Variants in CCDC192 observed in about 807,000 individuals in gnomAD.
CCDC192 encodes the protein coiled-coil domain containing 192, also known as coiled-coil domain-containing protein 192.
intron 3 of CCDC192, among the ~76,000 whole-genome samples, chr5:127,781,929 A>G (rs979436146): frequency 6.6e-6 from 1 of 152,194 alleles, no homozygotes; most frequent in Non-Finnish European, 1.5e-5. Flanking sequence ...CTCAGAGAAT[A>G]TGCTTTCAAC....
At chr5:127,921,356 A>T (rs1753716569) in intron 6 of CCDC192, among the ~76,000 whole-genome samples, 1 of 152,114 alleles carries the variant, frequency 6.6e-6, no homozygotes, top group African/African-American at 2.4e-5. Context: ...AACCACTCCA[A>T]CCCATCCACC....
intron 2 of CCDC192, among the ~76,000 whole-genome samples, chr5:127,732,868 C>T (rs1399940280): frequency 6.6e-6 from 1 of 152,080 alleles, no homozygotes; most frequent in East Asian, 1.9e-4. Flanking sequence ...GGAAGGAGAG[C>T]ATCAGGGTAA....
chr5:127,881,794 G>A (rs543151402), intron 6 of CCDC192, among the ~76,000 whole-genome samples: 23 of 152,272 alleles, frequency 1.5e-4, no homozygotes, highest in Non-Finnish European at 2.8e-4. Flanking sequence ...AACCCAAGGC[G>A]GATTCCTTCC....
chr5:127,892,728 A>G (rs1283917614), intron 6 of CCDC192, among the ~76,000 whole-genome samples: 1 of 152,230 alleles, frequency 6.6e-6, no homozygotes, highest in Non-Finnish European at 1.5e-5. Flanking sequence ...ATTTAAATAA[A>G]GTACTCAGAA....
At chr5:127,756,388 C>T (rs1341924728) in intron 3 of CCDC192, among the ~76,000 whole-genome samples, 1 of 151,996 alleles carries the variant, frequency 6.6e-6, no homozygotes, top group Non-Finnish European at 1.5e-5. Context: ...AAAGATAATT[C>T]GACGGGGAGG....
At chr5:127,702,626 A>C (rs573671623), upstream of CCDC192, among the ~76,000 whole-genome samples, 1 of 152,312 alleles carries the variant, frequency 6.6e-6, no homozygotes, top group South Asian at 2.1e-4. Flanking sequence ...ATGCCAGTCT[A>C]ATTTATTTTA....
intron 5 of CCDC192, among the ~76,000 whole-genome samples, chr5:127,848,673 A>G (rs1299211005): frequency 6.6e-6 from 1 of 152,244 alleles, no homozygotes; most frequent in East Asian, 1.9e-4. Flanking sequence ...AGTCTCTACC[A>G]CATAAAATTC....
At chr5:127,857,522 C>T (rs1301066906) in intron 5 of CCDC192, 4 of 152,198 alleles carry the variant, frequency 2.6e-5, no homozygotes, top group Non-Finnish European at 1.5e-5. Flanking sequence ...TTAGGGTTCT[C>T]CAGAGAGAAA....
At chr5:127,908,421 G>A (rs1481442472) in intron 6 of CCDC192, among the ~76,000 whole-genome samples, 1 of 152,158 alleles carries the variant, frequency 6.6e-6, no homozygotes, top group Non-Finnish European at 1.5e-5. Flanking sequence ...TCAAAGAAGT[G>A]TAAAGGGGTA....
In CCDC192 at chr5:127,787,003, C is replaced by T. The variant is rs1561488159; in HGVS notation, c.223-10100C>T. On this transcript the variant is annotated intron_variant, in intron 3 of 6. Coordinates refer to ENST00000514853, the MANE Select transcript of CCDC192 (RefSeq NM_001317938.2). Reference sequence around the variant, plus strand: ...TCCAGATCTGGTCTAAGCCAATCTGCTTCAGGCCATGGGGGTTCTGGCTCC... The same window carrying T: ...TCCAGATCTGGTCTAAGCCAATCTGTTTCAGGCCATGGGGGTTCTGGCTCC... The T allele has an allele frequency of 6.0e-5, 21 of 347,466 alleles. No individual in the cohort carries two copies. In the East Asian group the frequency reaches 1.6e-3, roughly 26 times the overall value. The allele number at this position is 347,466 out of a possible 1,614,324, so 21.5% of individuals were successfully genotyped here.
intron 1 of CCDC192, among the ~76,000 whole-genome samples, chr5:127,706,133 A>G (rs1275282318): frequency 1.3e-5 from 2 of 152,082 alleles, no homozygotes; most frequent in Non-Finnish European, 2.9e-5. Context: ...TTGAAAAATG[A>G]GTAAAAGAGA....
At chr5:127,755,649 G>A (rs370747371) in intron 3 of CCDC192, among the ~76,000 whole-genome samples, 5 of 136,754 alleles carry the variant, frequency 3.7e-5, no homozygotes, top group East Asian at 4.2e-4. Context: ...TACCAAGAAC[G>A]TAATGATAAA....
intron 2 of CCDC192, among the ~76,000 whole-genome samples, chr5:127,717,311 G>A (rs1751678917): frequency 6.6e-6 from 1 of 152,076 alleles, no homozygotes; most frequent in African/African-American, 2.4e-5. Flanking sequence ...GGTAAGTAAT[G>A]TTATTTTCCC....
At chr5:127,830,572 C>T (rs372592495) in intron 5 of CCDC192, among the ~76,000 whole-genome samples, 4 of 152,070 alleles carry the variant, frequency 2.6e-5, no homozygotes, top group East Asian at 1.9e-4. Context: ...TTAGGGCCCA[C>T]TCTAAAGATC....
At chr5:127,828,996 G>A (rs929172296) in intron 5 of CCDC192, among the ~76,000 whole-genome samples, 1 of 152,176 alleles carries the variant, frequency 6.6e-6, no homozygotes, top group Non-Finnish European at 1.5e-5. Flanking sequence ...AACCTGGTTG[G>A]GGGCAGATAT....
intron 5 of CCDC192, among the ~76,000 whole-genome samples, chr5:127,843,275 T>C (rs1750378168): frequency 6.6e-6 from 1 of 151,494 alleles, no homozygotes; most frequent in Non-Finnish European, 1.5e-5. Flanking sequence ...CCTGACCTCG[T>C]AATCCACCCG....
At chr5:127,805,220 C>T (rs1243788732) in intron 5 of CCDC192, among the ~76,000 whole-genome samples, 8 of 152,174 alleles carry the variant, frequency 5.3e-5, no homozygotes, top group Admixed American at 1.3e-4. Flanking sequence ...TTCCTAAATG[C>T]TCCCACCCAC....
At chr5:127,752,389 G>T (rs1192888050) in intron 2 of CCDC192, among the ~76,000 whole-genome samples, 1 of 152,122 alleles carries the variant, frequency 6.6e-6, no homozygotes, top group East Asian at 1.9e-4. Context: ...GTGTCAGTGT[G>T]CCCCTGCTGG....
chr5:127,927,544 G>GA (rs1452328377), intron 6 of CCDC192, among the ~76,000 whole-genome samples: 2 of 152,158 alleles, frequency 1.3e-5, no homozygotes, highest in African/African-American at 4.8e-5. Context: ...AGTAATAGCT[G>GA]AAAAGGCATT....
Sources: allele counts gnomAD v4.1 joint callset (sites outside exome capture counted in the v4.1 genomes callset), GRCh38; gene constraint gnomAD v4.1.1; transcripts MANE v1.5; gene names NCBI Gene and HGNC (gene_info 2026-07-23, HGNC 2026-07-21).